The following CNTN4 variants were observed in gnomAD, a reference collection of about 807,000 sequenced individuals.
CNTN4 encodes the protein contactin 4.
In CNTN4, 77 loss-of-function variants were observed where a neutral mutation model predicts 122.5. That is an observed-to-expected ratio of 0.63 (90% confidence interval 0.52 to 0.76). The LOEUF (loss-of-function observed/expected upper bound fraction) is 0.76. CNTN4 is among the 30% of genes least tolerant of loss of function. CNTN4 has a pLI of 0.00. For synonymous variants in CNTN4, 512 were observed against 447.0 expected (o/e 1.15, Z -1.83); for missense variants, 1,256 against 1,259.1 (o/e 1.00, Z 0.04).
intron 10 of CNTN4, among the ~76,000 whole-genome samples, chr3:2,890,262 C>G (rs1340438456): frequency 1.3e-5 from 2 of 152,194 alleles, no homozygotes; most frequent in Non-Finnish European, 2.9e-5. Context: ...TGGCTGTCAT[C>G]TTTTTTCCTC....
intron 3 of CNTN4, among the ~76,000 whole-genome samples, chr3:2,524,971 T>G (rs2077350037): frequency 6.6e-6 from 1 of 152,104 alleles, no homozygotes; most frequent in Admixed American, 6.6e-5. Flanking sequence ...ATCCAGAGTT[T>G]GAAGATGCAG....
Position 2,853,730 on chromosome 3 carries a change from C to G in CNTN4, c.455-13022C>G, listed in dbSNP as rs533693119. On this transcript the variant is annotated intron_variant, in intron 7 of 24. Transcript: ENST00000418658. ...TGAGCATGGACACTTTGCGCTCGCTCTCTGTTTTGGCGTCTTGAAACCAGA... is the reference window on the plus strand; with the variant it reads ...TGAGCATGGACACTTTGCGCTCGCTGTCTGTTTTGGCGTCTTGAAACCAGA... Among the ~76,000 whole-genome samples the G allele has an allele frequency of 6.6e-5, 10 of 152,310 alleles. No individual in the cohort carries two copies. The East Asian group carries it at 1.7e-3, about 26-fold the overall frequency.
At chr3:2,554,369 T>C (rs2078634908) in intron 3 of CNTN4, among the ~76,000 whole-genome samples, 1 of 152,142 alleles carries the variant, frequency 6.6e-6, no homozygotes, top group Non-Finnish European at 1.5e-5. Flanking sequence ...ATACTTTGCT[T>C]AGTCCACATT....
At chr3:2,720,218 T>C (rs1320998926) in intron 4 of CNTN4, among the ~76,000 whole-genome samples, 2 of 152,226 alleles carry the variant, frequency 1.3e-5, no homozygotes, top group East Asian at 1.9e-4. Flanking sequence ...CATTACACTT[T>C]GCTTCTTTTT....
intron 3 of CNTN4, among the ~76,000 whole-genome samples, chr3:2,488,330 G>C (rs1482752959): frequency 2.0e-5 from 3 of 152,192 alleles, no homozygotes; most frequent in Non-Finnish European, 4.4e-5. Flanking sequence ...TGTCTGTATG[G>C]AGTTCACACA....
chr3:2,552,755 T>C (rs1178292832), intron 3 of CNTN4, among the ~76,000 whole-genome samples: 1 of 152,084 alleles, frequency 6.6e-6, no homozygotes, highest in African/African-American at 2.4e-5. Context: ...ATGCAGGCAG[T>C]ATAATATTGC....
intron 4 of CNTN4, among the ~76,000 whole-genome samples, chr3:2,642,284 C>T (rs1432545857): frequency 6.6e-6 from 1 of 152,188 alleles, no homozygotes; most frequent in Non-Finnish European, 1.5e-5. Context: ...AGTCTTGCTA[C>T]ACTCTGCCTG....
rs1022949359 is a variant in CNTN4 at position 2,332,914 on chromosome 3, C to T, written c.-144-6264C>T. Among the ~76,000 whole-genome samples, 80 of 152,030 alleles carry T rather than the reference C, an allele frequency of 5.3e-4. 2 individuals carry two copies. The highest frequency in any genetic ancestry group is 7.4e-5 in the Non-Finnish European group (5 of 67,980). ...AATTAAAAAAAAATAAGACTTTTTC[C>T]TATCCTCGAGAGCAGTGTCAAAGGC... On this transcript the variant is annotated intron_variant, in intron 2 of 24. Transcript: ENST00000418658.
chr3:2,343,137 C>G (rs1440929670), intron 3 of CNTN4, among the ~76,000 whole-genome samples: 3 of 152,148 alleles, frequency 2.0e-5, no homozygotes, highest in African/African-American at 7.2e-5. Context: ...ATTTCATCTT[C>G]AGCTGAGGCA....
intron 4 of CNTN4, among the ~76,000 whole-genome samples, chr3:2,726,795 A>G (rs1378302833): frequency 6.6e-6 from 1 of 152,188 alleles, no homozygotes; most frequent in African/African-American, 2.4e-5. Flanking sequence ...AGCATGTGCA[A>G]TACGTGATGG....
chr3:2,654,699 T>C (rs1455045649), intron 4 of CNTN4, among the ~76,000 whole-genome samples: 1 of 152,102 alleles, frequency 6.6e-6, no homozygotes, highest in Non-Finnish European at 1.5e-5. Context: ...GGATTAATAT[T>C]ATATGCTGCT....
intron 3 of CNTN4, among the ~76,000 whole-genome samples, chr3:2,405,602 GATA>G (rs773983220): frequency 1.6e-3 from 208 of 126,654 alleles, no homozygotes; most frequent in Admixed American, 2.2e-3. Flanking sequence ...TAGGTAGATA[GATA>G]GATAGATAGA....
intron 4 of CNTN4, among the ~76,000 whole-genome samples, chr3:2,575,060 A>G (rs2079597945): frequency 6.6e-6 from 1 of 152,132 alleles, no homozygotes; most frequent in Non-Finnish European, 1.5e-5. Context: ...TAGGTAGAAG[A>G]GAAGAAGTCT....
In CNTN4 at chr3:2,450,652, T is replaced by C. The variant is rs538409552; in HGVS notation, c.-89+111419T>C. On this transcript the variant is annotated intron_variant, in intron 3 of 24. Transcript: ENST00000418658. ...AAAAAAAAAGAACTAAGGAGCCAAA[T>C]GCCACTCAAGGTTTTATTAATAGAG... 1.2e-4 allele frequency among the ~76,000 whole-genome samples: 19 copies of C among 152,218 alleles called. No homozygotes were observed. The South Asian group carries it at 1.4e-3, about 12-fold the overall frequency.
At chr3:2,874,440 G>A (rs2093820791) in intron 8 of CNTN4, among the ~76,000 whole-genome samples, 1 of 152,160 alleles carries the variant, frequency 6.6e-6, no homozygotes, top group Non-Finnish European at 1.5e-5. Context: ...GTTTAGCCTA[G>A]AATTGAGTTG....
intron 2 of CNTN4, among the ~76,000 whole-genome samples, chr3:2,200,571 A>G (rs2038051015): frequency 6.6e-6 from 1 of 152,214 alleles, no homozygotes; most frequent in South Asian, 2.1e-4. Flanking sequence ...GATCTAGCCC[A>G]AAGGTCAATA....
intron 4 of CNTN4, among the ~76,000 whole-genome samples, chr3:2,612,282 A>G (rs926314874): frequency 6.6e-6 from 1 of 152,152 alleles, no homozygotes; most frequent in Admixed American, 6.6e-5. Flanking sequence ...TAACTTAAAC[A>G]TAATGAGATC....
chr3:2,533,509 C>T (rs1012905963), intron 3 of CNTN4, among the ~76,000 whole-genome samples: 2 of 151,296 alleles, frequency 1.3e-5, no homozygotes, highest in Non-Finnish European at 2.9e-5. Flanking sequence ...TGTATATGTA[C>T]CACATTTTCT....
chr3:2,986,028 C>G (rs147101424), intron 13 of CNTN4, among the ~76,000 whole-genome samples: 309 of 151,824 alleles, frequency 2.0e-3, no homozygotes, highest in African/African-American at 4.8e-3. Context: ...CATCCTCCCA[C>G]CTCAGCCCCC....
Sources: allele counts gnomAD v4.1 joint callset (sites outside exome capture counted in the v4.1 genomes callset), GRCh38; gene constraint gnomAD v4.1.1; transcripts MANE v1.5; gene names NCBI Gene and HGNC (gene_info 2026-07-23, HGNC 2026-07-21).